Variants in AGBL2 observed in about 807,000 individuals in gnomAD.
AGBL2 encodes the protein AGBL carboxypeptidase 2.
Under a neutral mutation model 103.0 loss-of-function variants are expected in AGBL2, and 87 were observed. That is an observed-to-expected ratio of 0.84 (90% CI 0.71 to 1.01). The LOEUF is 1.01. Among genes scored for constraint, AGBL2 ranks in the 50% least tolerant of loss-of-function variants. The pLI, the probability that AGBL2 is intolerant of heterozygous loss-of-function variation, is 0.00. For missense variants in AGBL2, 904 were observed against 1,023.5 expected, an observed-to-expected ratio of 0.88 and a Z score of 1.59; for synonymous variants, 335 against 356.7, an observed-to-expected ratio of 0.94 and a Z score of 0.69.
intron 8 of AGBL2, among the ~76,000 whole-genome samples, chr11:47,698,923 C>T (rs973763877): frequency 2.2e-5 from 3 of 135,644 alleles, no homozygotes; most frequent in Non-Finnish European, 4.6e-5. Flanking sequence ...GGGAATCTAA[C>T]AGGTACCCTT....
intron 3 of AGBL2, among the ~76,000 whole-genome samples, chr11:47,713,782 G>A (rs1349792235): frequency 6.6e-6 from 1 of 151,398 alleles, no homozygotes; most frequent in East Asian, 2.0e-4. Context: ...GTAGAGACGG[G>A]GTTTCACCGT....
At chr11:47,683,981 G>A (rs562492549) in intron 11 of AGBL2, among the ~76,000 whole-genome samples, 1 of 151,396 alleles carries the variant, frequency 6.6e-6, no homozygotes, top group African/African-American at 2.4e-5. Flanking sequence ...TGCGTGGCGT[G>A]GTGGCTCAAG....
Position 47,699,500 on chromosome 11 carries a change from C to G in AGBL2, c.640G>C (p.Val214Leu). ...YFYQPKGNEK[V>L]PEIVGEKKGT... ...TTTTTCTCTCCTACAATCTCTGGTA[C>G]CTTTTCATTTCCTTTAGGCTGATAG... Residue 214 changes from valine (V) to leucine (L), a missense_variant, in exon 8 of 19, where the codon GTA (valine) becomes CTA (leucine). Transcript: ENST00000525123. 1 of 1,610,464 alleles carries G rather than the reference C, an allele frequency of 6.2e-7. No homozygotes were observed. The highest frequency in any genetic ancestry group is 8.5e-7 in the Non-Finnish European group (1 of 1,178,176).
intron 13 of AGBL2, among the ~76,000 whole-genome samples, chr11:47,678,920 G>T (rs1450600977): frequency 6.6e-6 from 1 of 151,200 alleles, no homozygotes; most frequent in East Asian, 2.0e-4. Context: ...TTAGCCGGAC[G>T]TGGTGGTGCA....
chr11:47,695,094 G>A (rs2097462403), intron 8 of AGBL2, among the ~76,000 whole-genome samples: 1 of 152,082 alleles, frequency 6.6e-6, no homozygotes, highest in Non-Finnish European at 1.5e-5. Context: ...AGGTTGCAGT[G>A]AGCCGAGATT....
intron 14 of AGBL2, among the ~76,000 whole-genome samples, chr11:47,671,388 C>T (rs1421670823): frequency 6.6e-6 from 1 of 151,928 alleles, no homozygotes; most frequent in African/African-American, 2.4e-5. Flanking sequence ...GGTGTGGTAG[C>T]GGGTGCCTGT....
Position 47,690,852 on chromosome 11 carries a change from G to A in AGBL2, c.855C>T (p.Thr285=). 6.2e-7 allele frequency: 1 copy of A among 1,607,876 alleles called. No homozygotes were observed. The highest frequency in any genetic ancestry group is 1.1e-5 in the South Asian group (1 of 90,924). Residue 285 remains threonine (T), a synonymous_variant, in exon 10 of 19, where the codon ACC becomes ACT. Coordinates refer to ENST00000525123, the MANE Select transcript of AGBL2 (RefSeq NM_024783.4). ...TTCGCAAGGTGAGTTCATACTCATA[G>A]GTGTCTCTGTAATGGAGAAAATAGA... is the stretch of plus-strand genomic sequence containing the variant. ...GNLQKAVRVD[T]YEYELTLRTD... is the part of the protein sequence containing the mutation.
chr11:47,683,291 T>C (rs983410406), intron 11 of AGBL2, among the ~76,000 whole-genome samples: 2 of 151,992 alleles, frequency 1.3e-5, no homozygotes, highest in African/African-American at 4.8e-5. Flanking sequence ...GAGAATTACT[T>C]GAACCTGGGA....
chr11:47,696,018 AAAAAAAAAAAAAAAAAAAG>A (rs2097469565), intron 8 of AGBL2, among the ~76,000 whole-genome samples: 1 of 29,748 alleles, frequency 3.4e-5, no homozygotes, highest in African/African-American at 1.3e-4. Flanking sequence ...TACAAAAAAA[AAAAAAAAAAAAAAAAAAAG>A]AAAAAAAAAA....
intron 13 of AGBL2, among the ~76,000 whole-genome samples, chr11:47,677,929 G>T (rs920229840): frequency 6.6e-6 from 1 of 152,030 alleles, no homozygotes; most frequent in African/African-American, 2.4e-5. Context: ...AGTGAGCACT[G>T]CTCTAGCCAC....
chr11:47,689,645 CTG>C (rs2097437403), intron 10 of AGBL2, among the ~76,000 whole-genome samples: 1 of 152,124 alleles, frequency 6.6e-6, no homozygotes, highest in African/African-American at 2.4e-5. Context: ...GCGATATTGA[CTG>C]TGCCTACCTC....
chr11:47,711,015 T>C (rs2097535234), intron 3 of AGBL2: 4 of 356,726 alleles, frequency 1.1e-5, no homozygotes, highest in South Asian at 2.2e-5. Flanking sequence ...CTCAATAACA[T>C]GCAGTTTACC....
chr11:47,711,552 A>T (rs2097536445), intron 3 of AGBL2, among the ~76,000 whole-genome samples: 1 of 152,092 alleles, frequency 6.6e-6, no homozygotes. Context: ...CTCTCTCCCC[A>T]TGAAGAGGGT....
intron 14 of AGBL2, among the ~76,000 whole-genome samples, chr11:47,670,610 C>T (rs2097354468): frequency 6.6e-6 from 1 of 151,826 alleles, no homozygotes; most frequent in African/African-American, 2.4e-5. Context: ...AATCCCCACA[C>T]TTTGGGAGGC....
At chr11:47,706,245 G>C (rs146442822) in intron 4 of AGBL2, among the ~76,000 whole-genome samples, 1 of 152,038 alleles carries the variant, frequency 6.6e-6, no homozygotes, top group East Asian at 1.9e-4. Context: ...GGCTGGGCGC[G>C]GTGGCTCATG....
intron 8 of AGBL2, among the ~76,000 whole-genome samples, chr11:47,697,890 C>A (rs1390753902): frequency 1.3e-5 from 2 of 148,536 alleles, no homozygotes; most frequent in East Asian, 4.0e-4. Context: ...GACGGAGTTT[C>A]ACCCTTGTTG....
intron 18 of AGBL2, 60 bp from the exon 19 acceptor site, chr11:47,660,406 A>G: frequency 3.3e-6 from 5 of 1,528,110 alleles, no homozygotes; most frequent in Non-Finnish European, 3.6e-6. Context: ...CCAAATATGT[A>G]GTTAGGGTTG....
intron 10 of AGBL2, 68 bp downstream of exon 10, chr11:47,690,008 T>A (rs2097438638): frequency 2.2e-6 from 3 of 1,366,952 alleles, no homozygotes; most frequent in African/African-American, 1.5e-5. Flanking sequence ...TCATACCCCA[T>A]CAGGTAGGGA....
intron 3 of AGBL2, among the ~76,000 whole-genome samples, chr11:47,711,868 T>C (rs1434854838): frequency 5.3e-5 from 8 of 151,998 alleles, no homozygotes; most frequent in Non-Finnish European, 1.2e-4. Flanking sequence ...AAGTAAAAAA[T>C]TGTATGATGA....
Sources: allele counts gnomAD v4.1 joint callset (sites outside exome capture counted in the v4.1 genomes callset), GRCh38; gene constraint gnomAD v4.1.1; transcripts MANE v1.5; gene names NCBI Gene and HGNC (gene_info 2026-07-23, HGNC 2026-07-21).